BBS7: variants seen among roughly 807,000 people sequenced by gnomAD.
The protein encoded by BBS7 is BBSome complex member BBS7.
In BBS7, 50 loss-of-function variants were observed where a neutral mutation model predicts 90.3. The observed-to-expected ratio is 0.55, with a 90% CI of 0.44 to 0.70. The LOEUF (loss-of-function observed/expected upper bound fraction) is 0.70. BBS7 is among the 30% of genes least tolerant of loss of function. The pLI is 0.00. For missense variants in BBS7, 729 were observed against 838.9 expected (o/e 0.87, Z 1.62); for synonymous variants, 235 against 287.4 (o/e 0.82, Z 1.85).
chr4:121,849,604 G>A (rs376037524), intron 8 of BBS7, among the ~76,000 whole-genome samples: 15 of 152,252 alleles, frequency 9.9e-5, no homozygotes, highest in Middle Eastern at 6.8e-3. Flanking sequence ...CGAGGTGGGC[G>A]GATCACGAGG....
At position 121,847,472 on chromosome 4, in the gene BBS7, A is replaced by T. The variant is rs1438970200; in HGVS notation, c.969T>A (p.His323Gln). The change falls in exon 10 of 19, where the codon CAT becomes CAA. Residue 323 changes from histidine to glutamine, a missense_variant. Physicochemically the swap from His to Gln is conservative, Grantham distance 24. Transcript: ENST00000264499. ...GTTCTTCTCCTGGTCCACTTTCCTT[A>T]TGAATGGGCTCTGTTGTCAGACCTG... ...WVTGLTTEPI[H>Q]KESGPGEELK... 6.2e-7 allele frequency: 1 copy of T among 1,613,750 alleles called. No individual in the cohort carries two copies. Among genetic ancestry groups the T allele is most frequent in the Non-Finnish European group, 8.5e-7 (1 of 1,179,758 alleles).
chr4:121,856,756 T>G (rs1726695945), intron 5 of BBS7, among the ~76,000 whole-genome samples: 1 of 151,786 alleles, frequency 6.6e-6, no homozygotes, highest in African/African-American at 2.4e-5. Context: ...TAATATGGTA[T>G]GACATTTTTG....
At chr4:121,863,946 G>C (rs1022851902) in intron 2 of BBS7, among the ~76,000 whole-genome samples, 4 of 152,122 alleles carry the variant, frequency 2.6e-5, no homozygotes, top group African/African-American at 9.7e-5. Context: ...TGGCCTGCTG[G>C]GTACCAGGCC....
chr4:121,848,744 T>C, intron 9 of BBS7, 100 bp downstream of exon 9: 3 of 961,820 alleles, frequency 3.1e-6, no homozygotes, highest in Non-Finnish European at 4.9e-6. Flanking sequence ...GGGGGACTAC[T>C]ATAACTGTTT....
intron 12 of BBS7, among the ~76,000 whole-genome samples, chr4:121,840,689 A>G (rs1725690209): frequency 6.6e-6 from 1 of 152,208 alleles, no homozygotes; most frequent in Non-Finnish European, 1.5e-5. Context: ...GATAATTTAT[A>G]TGTAATTTTT....
chr4:121,860,322 C>G (rs1726906289), intron 4 of BBS7, among the ~76,000 whole-genome samples: 1 of 152,026 alleles, frequency 6.6e-6, no homozygotes, highest in Non-Finnish European at 1.5e-5. Flanking sequence ...CAACATTAAG[C>G]AGGAAAGGAT....
chr4:121,832,199 G>C (rs555937184), intron 15 of BBS7, among the ~76,000 whole-genome samples: 1 of 152,096 alleles, frequency 6.6e-6, no homozygotes, highest in South Asian at 2.1e-4. Flanking sequence ...AAATTAGCTG[G>C]GCATGGTGGT....
Position 121,825,902 on chromosome 4 carries a change from A to C in BBS7, c.2106T>G (p.Ser702Arg), listed in dbSNP as rs1229720963. 6.2e-7 allele frequency: 1 copy of C among 1,613,220 alleles called. No individual in the cohort carries two copies. The highest frequency in any genetic ancestry group is 1.7e-5 in the Admixed American group (1 of 60,016). The change falls in exon 19 of 19, where the codon AGT (serine) becomes AGG (arginine). Residue 702 changes from serine to arginine, a missense_variant. Ser to Arg is a moderately radical substitution (Grantham distance 110). Coordinates refer to ENST00000264499, the MANE Select transcript of BBS7 (RefSeq NM_176824.3). ...ATGAAATCAATGCATTTTGGTCATAACTGTCCAGAATTTCCAATAGAAGGG... is the reference window on the plus strand; with the variant it reads ...ATGAAATCAATGCATTTTGGTCATACCTGTCCAGAATTTCCAATAGAAGGG... ...KVPLLLEILD[S>R]YDQNALISFF... is the part of the protein sequence containing the mutation.
rs907255739 is a variant in BBS7, at chr4:121,828,229, G to A, written c.1931C>T (p.Pro644Leu). 1 of 1,613,426 alleles carries A rather than the reference G, an allele frequency of 6.2e-7. No individual in the cohort carries two copies. Among genetic ancestry groups the A allele is most frequent in the Non-Finnish European group, 8.5e-7 (1 of 1,179,638 alleles). ...IHEGNTNFLI[P>L]EYHCILEEAD... is the part of the protein sequence containing the mutation. ...CTCTTCTAGAATACAGTGATATTCT[G>A]GTATCAGAAAGTTCGTATTTCCCTC... The change falls in exon 18 of 19, where the codon CCA (proline) becomes CTA (leucine). Residue 644 changes from proline to leucine, a missense_variant. Pro to Leu is a moderately conservative substitution (Grantham distance 98, BLOSUM62 -3). Transcript: ENST00000264499.
chr4:121,845,130 AG>A (rs2149068121), intron 11 of BBS7, among the ~76,000 whole-genome samples: 1 of 152,290 alleles, frequency 6.6e-6, no homozygotes, highest in Admixed American at 6.5e-5. Flanking sequence ...GCACTTTGTG[AG>A]GCCGAGGCGG....
At position 121,848,899 on chromosome 4, in the gene BBS7, C is replaced by T. The variant is rs766697664; in HGVS notation, c.879G>A (p.Gln293=). The T allele has an allele frequency of 6.2e-7, 1 of 1,613,938 alleles. No individual in the cohort carries two copies. Among genetic ancestry groups the T allele is most frequent in the Admixed American group, 1.7e-5 (1 of 60,016 alleles). Residue 293 remains glutamine (Q), a synonymous_variant, in exon 9 of 19, where the codon CAG becomes CAA. Transcript: ENST00000264499. ...QMLSESVTSI[Q]GGCVGKDSYD... ...AGCTGTCTTTTCCTACACAACCACC[C>T]TGGATAGATGTGACGCTTTCAGACA... is the stretch of plus-strand genomic sequence containing the variant.
At chr4:121,862,257 A>G (rs1727022284) in intron 3 of BBS7, among the ~76,000 whole-genome samples, 1 of 152,188 alleles carries the variant, frequency 6.6e-6, no homozygotes, top group Non-Finnish European at 1.5e-5. Flanking sequence ...CTATAATCAT[A>G]TATCTATTTA....
intron 2 of BBS7, among the ~76,000 whole-genome samples, chr4:121,865,550 A>AT (rs1727221818): frequency 6.6e-6 from 1 of 151,940 alleles, no homozygotes; most frequent in African/African-American, 2.4e-5. Context: ...GGATTTCATT[A>AT]TTTTTTATTG....
chr4:121,845,504 C>G lies in BBS7; in HGVS notation c.1230G>C (p.Gln410His). The G allele has an allele frequency of 6.2e-7, 1 of 1,608,088 alleles. No individual in the cohort carries two copies. Among genetic ancestry groups the G allele is most frequent in the East Asian group, 2.2e-5 (1 of 44,636 alleles). Residue 410 changes from glutamine to histidine, a missense_variant and splice_region_variant, in exon 11 of 19, where the codon CAG (glutamine) becomes CAC (histidine). Coordinates refer to ENST00000264499, the MANE Select transcript of BBS7 (RefSeq NM_176824.3). ...CTAAGAAATTAGACATTTTGCTTAC[C>G]TGTATTAAGACATTATCTATTGCAG... ...VQTAIDNVLI[Q>H]SDVPIDLLDV...
Position 121,866,737 on chromosome 4 carries a change from T to G in BBS7, c.102+1244A>C, listed in dbSNP as rs372769521. On this transcript the variant is annotated intron_variant, in intron 2 of 18. Coordinates refer to ENST00000264499, the MANE Select transcript of BBS7 (RefSeq NM_176824.3). ...TCTTTTGTCAAAAATCAGTTGGTTG[T>G]AGATATGTGGATTAATTTCTGAGTT... Among the ~76,000 whole-genome samples, 8 of 152,334 alleles carry G rather than the reference T, an allele frequency of 5.3e-5. No homozygotes were observed. In the South Asian group the frequency reaches 1.7e-3, roughly 32 times the overall value.
intron 4 of BBS7, 27 bp from the exon 5 acceptor site, chr4:121,859,205 A>C (rs1214230239): frequency 6.2e-7 from 1 of 1,600,868 alleles, no homozygotes; most frequent in Admixed American, 1.7e-5. Flanking sequence ...AGTAATTTTT[A>C]AAAATAAGCA....
intron 8 of BBS7, among the ~76,000 whole-genome samples, chr4:121,851,059 A>G (rs967657756): frequency 6.6e-6 from 1 of 152,148 alleles, no homozygotes; most frequent in Non-Finnish European, 1.5e-5. Flanking sequence ...CCTTTAATTT[A>G]CTGAACACAA....
At chr4:121,841,942 T>C (rs541753567) in intron 12 of BBS7, among the ~76,000 whole-genome samples, 1 of 152,112 alleles carries the variant, frequency 6.6e-6, no homozygotes, top group Admixed American at 6.5e-5. Flanking sequence ...AAAATAAAAT[T>C]TTTACTATGA....
Position 121,854,761 on chromosome 4 carries a change from T to A in BBS7, c.661A>T (p.Ile221Phe), listed in dbSNP as rs751522255. 40 of 1,612,752 alleles carry A rather than the reference T, an allele frequency of 2.5e-5. No individual in the cohort carries two copies. The highest frequency in any genetic ancestry group is 3.4e-5 in the Non-Finnish European group (40 of 1,179,200). Residue 221 changes from isoleucine (I) to phenylalanine (F), a missense_variant, in exon 7 of 19, where the codon ATT (isoleucine) becomes TTT (phenylalanine). By Grantham distance (21) the Ile-to-Phe change is conservative. Transcript: ENST00000264499. ...TTGCGTACTGGTTTGGATGTAGTAA[T>A]CTGTATAAGCGCAAGTTTTCCGTCT... ...TSDGKLALIQ[I>F]TTSKPVRKWE... is the part of the protein sequence containing the mutation.
Sources: allele counts gnomAD v4.1 joint callset (sites outside exome capture counted in the v4.1 genomes callset), GRCh38; gene constraint gnomAD v4.1.1; transcripts MANE v1.5; gene names NCBI Gene and HGNC (gene_info 2026-07-23, HGNC 2026-07-21).